The following CFAP299 variants were observed in gnomAD, a reference collection of about 807,000 sequenced individuals.
CFAP299 encodes cilia- and flagella-associated protein 299.
Under a neutral mutation model 27.0 loss-of-function variants are expected in CFAP299, and 21 were observed. That is an observed-to-expected ratio of 0.78 (90% CI 0.55 to 1.12). CFAP299 has a LOEUF of 1.12. CFAP299 is among the 50% of genes most tolerant of loss of function. The probability of loss-of-function intolerance (pLI) is 0.00; values close to 1 mark genes in which losing one functional copy is unlikely to be tolerated. For synonymous variants in CFAP299, 104 were observed against 98.1 expected (o/e 1.06, Z -0.36); for missense variants, 310 against 276.6 (o/e 1.12, Z -0.86).
At chr4:80,420,383 C>G (rs1254925580) in intron 2 of CFAP299, 2 of 288,818 alleles carry the variant, frequency 6.9e-6, no homozygotes, top group East Asian at 1.6e-4. Context: ...CAAAATATGT[C>G]AAGGAAGTAT....
chr4:80,765,408 C>T (rs1725800582), intron 3 of CFAP299, among the ~76,000 whole-genome samples: 1 of 151,792 alleles, frequency 6.6e-6, no homozygotes, highest in Non-Finnish European at 1.5e-5. Flanking sequence ...GAATGTGATT[C>T]CCATAGAAAA....
intron 2 of CFAP299, among the ~76,000 whole-genome samples, chr4:80,439,644 G>T (rs1448668475): frequency 2.6e-5 from 4 of 152,210 alleles, no homozygotes; most frequent in Non-Finnish European, 5.9e-5. Context: ...CAAGCTAGCT[G>T]CAGGAGTTTT....
intron 3 of CFAP299, among the ~76,000 whole-genome samples, chr4:80,660,500 A>C (rs1399401499): frequency 1.3e-5 from 2 of 152,228 alleles, no homozygotes; most frequent in African/African-American, 4.8e-5. Context: ...AAAATGTTAC[A>C]AGACAAAGAT....
chr4:80,592,484 G>A (rs1299159319), intron 3 of CFAP299, among the ~76,000 whole-genome samples: 1 of 152,144 alleles, frequency 6.6e-6, no homozygotes, highest in Admixed American at 6.5e-5. Context: ...AATTTGCTAT[G>A]TGAAACATAT....
At chr4:80,409,117 C>T (rs1726584094) in intron 2 of CFAP299, among the ~76,000 whole-genome samples, 1 of 151,214 alleles carries the variant, frequency 6.6e-6, no homozygotes, top group African/African-American at 2.4e-5. Context: ...CTGACTTAAC[C>T]TGTTTGTGAA....
intron 3 of CFAP299, among the ~76,000 whole-genome samples, chr4:80,727,899 GTAA>G (rs1347047889): frequency 6.6e-6 from 1 of 151,436 alleles, no homozygotes; most frequent in Non-Finnish European, 1.5e-5. Context: ...CTGTTATGAA[GTAA>G]TAATAATATC....
intron 2 of CFAP299, among the ~76,000 whole-genome samples, chr4:80,478,253 C>T (rs1383142881): frequency 6.6e-6 from 1 of 152,082 alleles, no homozygotes; most frequent in African/African-American, 2.4e-5. Context: ...CATTTAGAAA[C>T]ACAGAAAAGC....
At chr4:80,820,514 C>A (rs1729645278) in intron 3 of CFAP299, among the ~76,000 whole-genome samples, 3 of 151,518 alleles carry the variant, frequency 2.0e-5, no homozygotes, top group African/African-American at 7.3e-5. Context: ...GCAAGAAGGC[C>A]AGTGTTGCTG....
chr4:80,568,062 G>C (rs904866926), intron 2 of CFAP299, among the ~76,000 whole-genome samples: 1 of 151,456 alleles, frequency 6.6e-6, no homozygotes, highest in Non-Finnish European at 1.5e-5. Flanking sequence ...AAGATGACTG[G>C]TGTAAAATTT....
chr4:80,799,864 TTA>T (rs1392296035), intron 3 of CFAP299, among the ~76,000 whole-genome samples: 758 of 32,554 alleles, frequency 0.023, 21 homozygotes, highest in Non-Finnish European at 0.032. Flanking sequence ...TAAATATATA[TTA>T]TATATATTAT....
chr4:80,905,782 A>G (rs1735152585), intron 4 of CFAP299, among the ~76,000 whole-genome samples: 1 of 152,170 alleles, frequency 6.6e-6, no homozygotes, highest in South Asian at 2.1e-4. Flanking sequence ...CAAGAACAGC[A>G]TGGGGATAAC....
chr4:80,810,351 G>GACACACACACAC (rs70956066), intron 3 of CFAP299, among the ~76,000 whole-genome samples: 1 of 147,682 alleles, frequency 6.8e-6, no homozygotes, highest in African/African-American at 2.5e-5. Flanking sequence ...CCCAACCCCT[G>GACACACACACAC]ACACACACAC....
chr4:80,672,076 T>C (rs573737965), intron 3 of CFAP299, among the ~76,000 whole-genome samples: 73 of 152,336 alleles, frequency 4.8e-4, no homozygotes, highest in Non-Finnish European at 8.4e-4. Flanking sequence ...ATCCCTGTCT[T>C]GTGCCAGTTT....
intron 4 of CFAP299, among the ~76,000 whole-genome samples, chr4:80,891,690 C>T (rs1578216790): frequency 9.1e-6 from 1 of 109,480 alleles, no homozygotes; most frequent in Non-Finnish European, 1.8e-5. Context: ...GGGTGCAGCG[C>T]ACCAGCATGG....
chr4:80,386,981 G>C (rs1211070621), intron 2 of CFAP299: 1 of 1,037,690 alleles, frequency 9.6e-7, no homozygotes, highest in South Asian at 1.3e-5. Context: ...CCTGGCCCTT[G>C]AACCTGCCCC....
intron 2 of CFAP299, among the ~76,000 whole-genome samples, chr4:80,550,603 A>C (rs1462935108): frequency 6.6e-6 from 1 of 152,038 alleles, no homozygotes; most frequent in African/African-American, 2.4e-5. Context: ...TATATTGAAA[A>C]TGATGTTAGA....
At chr4:80,892,362 TG>T (rs1445247654) in intron 4 of CFAP299, among the ~76,000 whole-genome samples, 2 of 152,134 alleles carry the variant, frequency 1.3e-5, no homozygotes, top group African/African-American at 4.8e-5. Flanking sequence ...AAATCAAAAT[TG>T]ATTAAAAACT....
In CFAP299 at chr4:80,843,007, G is replaced by T. The variant is rs1730948255; in HGVS notation, c.334-26986G>T. 2.6e-5 allele frequency among the ~76,000 whole-genome samples: 4 copies of T among 151,668 alleles called. No homozygotes were observed. The South Asian group carries it at 8.3e-4, about 32-fold the overall frequency. ...CAACAATTCTAATCATGAAGGGTTG[G>T]GGCAACATCTTTTCACTATTTCCTA... On this transcript the variant is annotated intron_variant, in intron 3 of 5. Coordinates refer to ENST00000358105, the MANE Select transcript of CFAP299 (RefSeq NM_152770.3).
At chr4:80,630,735 A>C (rs1000527989) in intron 3 of CFAP299, among the ~76,000 whole-genome samples, 1 of 152,060 alleles carries the variant, frequency 6.6e-6, no homozygotes, top group African/African-American at 2.4e-5. Context: ...TAATATATTG[A>C]CAATAGAAGC....
Sources: allele counts gnomAD v4.1 joint callset (sites outside exome capture counted in the v4.1 genomes callset), GRCh38; gene constraint gnomAD v4.1.1; transcripts MANE v1.5; gene names NCBI Gene and HGNC (gene_info 2026-07-23, HGNC 2026-07-21).